The following KCNJ6 variants were observed in gnomAD, a reference collection of about 807,000 sequenced individuals.
KCNJ6 encodes the protein G protein-activated inward rectifier potassium channel 2.
Under a neutral mutation model 34.2 loss-of-function variants are expected in KCNJ6, and 9 were observed. That is an observed-to-expected ratio of 0.26 (90% CI 0.16 to 0.46). KCNJ6 has a LOEUF of 0.46. Ranked by LOEUF, KCNJ6 falls within the 20% of genes least tolerant of loss-of-function variation. KCNJ6 has a pLI of 1.00. For missense variants in KCNJ6, 236 were observed against 531.3 expected, an observed-to-expected ratio of 0.44 and a Z score of 5.46; for synonymous variants, 196 against 207.1, an observed-to-expected ratio of 0.95 and a Z score of 0.46.
intron 3 of KCNJ6, among the ~76,000 whole-genome samples, chr21:37,655,216 TGTGTGTGTGAGAGAGAGAGA>T (rs1569438873): frequency 0.011 from 232 of 20,368 alleles, 6 homozygotes; most frequent in East Asian, 0.076. Flanking sequence ...TGTGTGTGTG[TGTGTGTGTGAGAGAGAGAGA>T]GAGAGAGAGA....
At chr21:37,656,488 C>A (rs937614481) in intron 3 of KCNJ6, among the ~76,000 whole-genome samples, 1 of 152,204 alleles carries the variant, frequency 6.6e-6, no homozygotes, top group Middle Eastern at 3.2e-3. Flanking sequence ...GGTGGCCCCC[C>A]ACCCAGGCTC....
chr21:37,871,621 GCT>G (rs1305834706), intron 1 of KCNJ6, among the ~76,000 whole-genome samples: 2 of 152,194 alleles, frequency 1.3e-5, no homozygotes, highest in Non-Finnish European at 2.9e-5. Flanking sequence ...ATGACTCATG[GCT>G]CTCTCTTCAA....
At chr21:37,876,924 G>C (rs1213930885) in intron 1 of KCNJ6, among the ~76,000 whole-genome samples, 1 of 152,212 alleles carries the variant, frequency 6.6e-6, no homozygotes, top group Non-Finnish European at 1.5e-5. Flanking sequence ...TGCTCAAAGA[G>C]TGAAGAGTCC....
chr21:37,807,337 C>A (rs2055298385), intron 2 of KCNJ6, among the ~76,000 whole-genome samples: 1 of 152,122 alleles, frequency 6.6e-6, no homozygotes, highest in Non-Finnish European at 1.5e-5. Context: ...TTAAATCAAA[C>A]CATTAAAAAG....
At chr21:37,772,754 A>G (rs1018748284) in intron 2 of KCNJ6, among the ~76,000 whole-genome samples, 6 of 152,172 alleles carry the variant, frequency 3.9e-5, no homozygotes, top group Non-Finnish European at 7.3e-5. Context: ...TATTACTTCT[A>G]AACATTTTTA....
At chr21:37,715,285 G>A (rs1056613319) in intron 2 of KCNJ6, among the ~76,000 whole-genome samples, 154 bp from the exon 3 acceptor site, 1 of 152,216 alleles carries the variant, frequency 6.6e-6, no homozygotes, top group Non-Finnish European at 1.5e-5. Flanking sequence ...CACACCATCT[G>A]GATAGGCCTC....
At chr21:37,626,974 A>G (rs543415764) in intron 3 of KCNJ6, among the ~76,000 whole-genome samples, 1 of 152,164 alleles carries the variant, frequency 6.6e-6, no homozygotes, top group Non-Finnish European at 1.5e-5. Flanking sequence ...CATTCAGGAG[A>G]GCAGCCAGCC....
At chr21:37,911,057 C>CTTTA (rs138895769) in intron 1 of KCNJ6, among the ~76,000 whole-genome samples, 11,582 of 152,190 alleles carry the variant, frequency 0.076, 464 homozygotes, top group African/African-American at 0.085. Flanking sequence ...TGAGACCGCT[C>CTTTA]TTTGAGGAAA....
chr21:37,816,093 C>T (rs529841378), intron 2 of KCNJ6, among the ~76,000 whole-genome samples: 2 of 152,236 alleles, frequency 1.3e-5, no homozygotes, highest in East Asian at 1.9e-4. Flanking sequence ...ATGCAGGGGC[C>T]GAGACCAGAG....
At chr21:37,733,614 T>TCC (rs2054897522) in intron 2 of KCNJ6, among the ~76,000 whole-genome samples, 1 of 152,258 alleles carries the variant, frequency 6.6e-6, no homozygotes, top group Non-Finnish European at 1.5e-5. Context: ...TTAGGGTTTT[T>TCC]TAGGATAAAA....
chr21:37,706,231 T>C (rs1179559156), intron 3 of KCNJ6, among the ~76,000 whole-genome samples: 1 of 152,212 alleles, frequency 6.6e-6, no homozygotes, highest in African/African-American at 2.4e-5. Context: ...AAGCTGGGAA[T>C]TTTTGGTGAA....
At chr21:37,911,460 A>T (rs1275089142) in intron 1 of KCNJ6, among the ~76,000 whole-genome samples, 1 of 152,210 alleles carries the variant, frequency 6.6e-6, no homozygotes, top group Non-Finnish European at 1.5e-5. Flanking sequence ...TTGAAGATAA[A>T]ATGAAGAAAC....
At chr21:37,658,762 A>G (rs1403192331) in intron 3 of KCNJ6, among the ~76,000 whole-genome samples, 1 of 152,170 alleles carries the variant, frequency 6.6e-6, no homozygotes, top group African/African-American at 2.4e-5. Flanking sequence ...CTCTTATTGC[A>G]GGTGAAGAAA....
chr21:37,846,674 G>A (rs1046843053), intron 1 of KCNJ6, among the ~76,000 whole-genome samples: 37 of 152,106 alleles, frequency 2.4e-4, no homozygotes, highest in African/African-American at 8.9e-4. Flanking sequence ...TCTCTAAAAT[G>A]TGTGCTTGTA....
chr21:37,749,164 G>A (rs971885780), intron 2 of KCNJ6, among the ~76,000 whole-genome samples: 24 of 152,112 alleles, frequency 1.6e-4, no homozygotes, highest in African/African-American at 5.1e-4. Context: ...TCATTTTCAG[G>A]TGACAGGTGG....
At chr21:37,858,706 T>A (rs1204157842) in intron 1 of KCNJ6, among the ~76,000 whole-genome samples, 1 of 152,154 alleles carries the variant, frequency 6.6e-6, no homozygotes, top group East Asian at 1.9e-4. Context: ...CACACTGGTG[T>A]TCAAGCAAAG....
intron 1 of KCNJ6, among the ~76,000 whole-genome samples, chr21:37,887,865 G>C (rs572019114): frequency 6.6e-6 from 1 of 152,208 alleles, no homozygotes; most frequent in South Asian, 2.1e-4. Context: ...AATGTGGAAG[G>C]AAAGTCACGG....
chr21:37,876,933 C>T (rs1259862891), intron 1 of KCNJ6, among the ~76,000 whole-genome samples: 1 of 152,182 alleles, frequency 6.6e-6, no homozygotes, highest in Non-Finnish European at 1.5e-5. Context: ...AGTGAAGAGT[C>T]CCCTGTAAAT....
At chr21:37,715,911 ATATTT>A (rs926554680) in intron 2 of KCNJ6, among the ~76,000 whole-genome samples, 57 of 152,316 alleles carry the variant, frequency 3.7e-4, no homozygotes, top group African/African-American at 1.3e-3. Flanking sequence ...CCATTCTGTG[ATATTT>A]TATTATGGCA....
Sources: gnomAD v4.1 joint callset for allele counts (sites outside exome capture counted in the v4.1 genomes callset) on GRCh38, gnomAD v4.1.1 for gene constraint, MANE v1.5 for transcripts, NCBI Gene and HGNC (gene_info 2026-07-23, HGNC 2026-07-21) for gene names.